Variants in SLC5A8 observed in about 807,000 individuals in gnomAD.
The protein encoded by SLC5A8 is sodium-coupled monocarboxylate transporter 1.
In SLC5A8, 55 loss-of-function variants were observed where a neutral mutation model predicts 71.9. The observed-to-expected ratio is 0.77, with a 90% CI of 0.62 to 0.96. The LOEUF is 0.96. Among genes scored for constraint, SLC5A8 ranks in the 40% least tolerant of loss-of-function variants. The pLI, the probability that SLC5A8 is intolerant of heterozygous loss-of-function variation, is 0.00. For synonymous variants in SLC5A8, 307 were observed against 276.1 expected (o/e 1.11, Z -1.11); for missense variants, 701 against 745.3 (o/e 0.94, Z 0.69).
intron 6 of SLC5A8, among the ~76,000 whole-genome samples, chr12:101,188,876 T>A (rs992120313): frequency 4.6e-5 from 7 of 152,234 alleles, no homozygotes; most frequent in Non-Finnish European, 1.0e-4. Flanking sequence ...GTTTAATATA[T>A]TGTTTTATTT....
chr12:101,156,018 GTTA>G lies in SLC5A8; in HGVS notation c.*1258_*1260del, dbSNP rs1566301573. On this transcript the variant is annotated 3_prime_UTR_variant, in exon 15 of 15. Transcript: ENST00000536262. ...AATGTGGGAACTGTACAAAAAATAA[GTTA>G]TTGATGAACTCCTATAACCAAACTC... 6.6e-6 allele frequency: 1 copy of G among 151,996 alleles called. No homozygotes were observed. Among genetic ancestry groups the G allele is most frequent in the Non-Finnish European group, 1.5e-5 (1 of 67,994 alleles). The allele number at this position is 151,996 out of a possible 1,614,324, so 9.4% of individuals were successfully genotyped here.
chr12:101,191,067 T>C (rs1470104825), intron 5 of SLC5A8, among the ~76,000 whole-genome samples: 3 of 152,352 alleles, frequency 2.0e-5, no homozygotes, highest in Non-Finnish European at 4.4e-5. Flanking sequence ...CATGTAATCA[T>C]AGTTCTAATC....
chr12:101,195,487 C>T (rs1157036138), intron 3 of SLC5A8, among the ~76,000 whole-genome samples: 2 of 152,064 alleles, frequency 1.3e-5, no homozygotes, highest in African/African-American at 4.8e-5. Context: ...CGATTAGACG[C>T]GGTTCAAATA....
intron 3 of SLC5A8, among the ~76,000 whole-genome samples, chr12:101,198,507 T>C (rs1162857929): frequency 6.6e-6 from 1 of 151,944 alleles, no homozygotes; most frequent in African/African-American, 2.4e-5. Flanking sequence ...TTATATGCAG[T>C]TTTATGCTAA....
Position 101,182,800 on chromosome 12 carries a change from T to C in SLC5A8, c.1165+3A>G, listed in dbSNP as rs747351024. The stretch of plus-strand genomic sequence containing the variant: ...AAATGGAATTATGAAAACAGAAACT[T>C]ACTCATTCCTTGGGAAATCCAAGAC... On this transcript the variant is annotated splice_donor_region_variant and intron_variant, in intron 9 of 14. Transcript: ENST00000536262. 5.1e-6 allele frequency: 8 copies of C among 1,560,124 alleles called. No individual in the cohort carries two copies. Among genetic ancestry groups the C allele is most frequent in the Non-Finnish European group, 6.9e-6 (8 of 1,151,866 alleles).
intron 7 of SLC5A8, among the ~76,000 whole-genome samples, chr12:101,184,512 T>G (rs776753151): frequency 3.9e-5 from 6 of 152,204 alleles, no homozygotes; most frequent in Non-Finnish European, 5.9e-5. Flanking sequence ...ACTAACCTCA[T>G]AGAGTTGCTG....
chr12:101,204,583 A>T lies in SLC5A8; in HGVS notation c.352-18T>A, dbSNP rs79932146. 1.4e-5 allele frequency: 21 copies of T among 1,549,360 alleles called. No homozygotes were observed. The highest frequency in any genetic ancestry group is 1.7e-5 in the Non-Finnish European group (19 of 1,143,646). ...TCTAAATACTGTTGCAAAAAAAAAA[A>T]TTATGCGAATCCTCTGGATGCCTTT... is the stretch of plus-strand genomic sequence containing the variant. On this transcript the variant is annotated intron_variant, in intron 1 of 14. Coordinates refer to ENST00000536262, the MANE Select transcript of SLC5A8 (RefSeq NM_145913.5).
chr12:101,193,499 T>C, intron 5 of SLC5A8, 126 bp downstream of exon 5: 2 of 1,106,226 alleles, frequency 1.8e-6, no homozygotes, highest in South Asian at 3.3e-5. Flanking sequence ...TCTGCTTCAA[T>C]TTGCTCTACC....
intron 10 of SLC5A8, among the ~76,000 whole-genome samples, chr12:101,172,888 C>G (rs2137132955): frequency 6.6e-6 from 1 of 152,264 alleles, no homozygotes; most frequent in South Asian, 2.1e-4. Flanking sequence ...CATCCGGGTG[C>G]AAGGTGGTCT....
At position 101,157,352 on chromosome 12, in the gene SLC5A8, GTTCCACCATC is replaced by G; in HGVS notation, c.1750_1759del (p.Asp584LeufsTer11). On this transcript the variant is annotated frameshift_variant, in exon 15 of 15. Coordinates refer to ENST00000536262, the MANE Select transcript of SLC5A8 (RefSeq NM_145913.5). LOFTEE classifies it high-confidence loss of function. ...AATGTGGTTGAAAGCAGGATTATCA[GTTCCACCATC>G]TTCCACTGGATGTGATTTATAGCTC... The G allele has an allele frequency of 1.9e-6, 3 of 1,612,718 alleles. No homozygotes were observed. Among genetic ancestry groups the G allele is most frequent in the Non-Finnish European group, 8.5e-7 (1 of 1,179,330 alleles).
intron 3 of SLC5A8, among the ~76,000 whole-genome samples, chr12:101,195,942 G>A (rs949309496): frequency 6.6e-6 from 1 of 152,010 alleles, no homozygotes; most frequent in African/African-American, 2.4e-5. Flanking sequence ...TGATCCACCT[G>A]CCTTAGCCTC....
intron 14 of SLC5A8, among the ~76,000 whole-genome samples, chr12:101,157,645 C>T (rs1363218000): frequency 6.6e-6 from 1 of 151,270 alleles, no homozygotes; most frequent in African/African-American, 2.4e-5. Flanking sequence ...TTTATAATAT[C>T]AGAGGATAGA....
rs74431392 is a variant in SLC5A8, at chr12:101,157,327, A to G, written c.1785T>C (p.Ile595=). The change falls in exon 15 of 15, where the codon ATT becomes ATC. Residue 595 remains isoleucine, a synonymous_variant. Coordinates refer to ENST00000536262, the MANE Select transcript of SLC5A8 (RefSeq NM_145913.5). The part of the protein sequence containing the change: ...GGTDNPAFNH[I]ELNSDQSGKS... The stretch of plus-strand genomic sequence containing the variant: ...TGCCACTCTGATCTGAGTTCAATTC[A>G]ATGTGGTTGAAAGCAGGATTATCAG... The G allele has an allele frequency of 6.2e-6, 10 of 1,613,586 alleles. No individual in the cohort carries two copies. The highest frequency in any genetic ancestry group is 8.5e-6 in the Non-Finnish European group (10 of 1,179,778).
chr12:101,179,321 T>C (rs911666517), intron 10 of SLC5A8, among the ~76,000 whole-genome samples: 2 of 152,194 alleles, frequency 1.3e-5, no homozygotes, highest in Non-Finnish European at 2.9e-5. Context: ...AATGAAGACT[T>C]ATGCTCACAC....
chr12:101,177,441 A>G (rs1402366053), intron 10 of SLC5A8, among the ~76,000 whole-genome samples: 5 of 121,264 alleles, frequency 4.1e-5, no homozygotes, highest in Non-Finnish European at 7.8e-5. Context: ...CAAAGGCAGT[A>G]TATACACACA....
rs756070641 is a variant in SLC5A8, at chr12:101,157,392, C to A, written c.1720G>T (p.Val574Phe). 2.5e-6 allele frequency: 4 copies of A among 1,597,258 alleles called. No homozygotes were observed. The highest frequency in any genetic ancestry group is 3.4e-6 in the Non-Finnish European group (4 of 1,170,912). The change falls in exon 15 of 15, where the codon GTT becomes TTT. Residue 574 changes from valine (V) to phenylalanine (F), a missense_variant. Val to Phe is a conservative substitution (Grantham distance 50, BLOSUM62 -1). Coordinates refer to ENST00000536262, the MANE Select transcript of SLC5A8 (RefSeq NM_145913.5). Reference protein sequence around the residue: ...NFDIFKKKKHVLSYKSHPVED... With the variant: ...NFDIFKKKKHFLSYKSHPVED... ...ACTGGATGTGATTTATAGCTCAAAA[C>A]ATGCTTCTTCTAAAAGAAAATGTTA...
At chr12:101,206,186 G>A (rs1228477939) in intron 1 of SLC5A8, among the ~76,000 whole-genome samples, 1 of 152,194 alleles carries the variant, frequency 6.6e-6, no homozygotes, top group Non-Finnish European at 1.5e-5. Flanking sequence ...AAATCAATGG[G>A]CCTGGAGAAA....
At chr12:101,172,815 G>C (rs2051842700) in intron 10 of SLC5A8, among the ~76,000 whole-genome samples, 1 of 152,142 alleles carries the variant, frequency 6.6e-6, no homozygotes, top group Non-Finnish European at 1.5e-5. Context: ...AGGGACTGTG[G>C]CCATCAGGGC....
chr12:101,177,893 G>C (rs1349822586), intron 10 of SLC5A8, among the ~76,000 whole-genome samples: 1 of 152,006 alleles, frequency 6.6e-6, no homozygotes, highest in Non-Finnish European at 1.5e-5. Flanking sequence ...GTGCAATAAG[G>C]AAATAAAAGG....
Sources: gnomAD v4.1 joint callset for allele counts (sites outside exome capture counted in the v4.1 genomes callset) on GRCh38, gnomAD v4.1.1 for gene constraint, MANE v1.5 for transcripts, NCBI Gene and HGNC (gene_info 2026-07-23, HGNC 2026-07-21) for gene names.